Variants in CPD observed in about 807,000 individuals in gnomAD.
CPD encodes the protein metallocarboxypeptidase D.
In CPD, 69 loss-of-function variants were observed where a neutral mutation model predicts 138.3. That is an observed-to-expected ratio of 0.50 (90% CI 0.41 to 0.61). The LOEUF (loss-of-function observed/expected upper bound fraction) is 0.61, where lower values mean the gene tolerates loss of function less well. Among genes scored for constraint, CPD ranks in the 20% least tolerant of loss-of-function variants. The pLI is 0.00. For missense variants in CPD, 1,432 were observed against 1,733.3 expected, an observed-to-expected ratio of 0.83 and a Z score of 3.09; for synonymous variants, 651 against 642.1, an observed-to-expected ratio of 1.01 and a Z score of -0.21.
At chr17:30,430,088 G>C (rs1364817104) in intron 7 of CPD, among the ~76,000 whole-genome samples, 1 of 152,150 alleles carries the variant, frequency 6.6e-6, no homozygotes, top group Non-Finnish European at 1.5e-5. Flanking sequence ...GAAGGATCTT[G>C]AAAGAAGATA....
intron 2 of CPD, among the ~76,000 whole-genome samples, chr17:30,387,557 T>C (rs898267929): frequency 2.0e-5 from 3 of 152,232 alleles, no homozygotes; most frequent in Non-Finnish European, 4.4e-5. Flanking sequence ...TAGAGGGAAC[T>C]TAGAAGGAAT....
chr17:30,455,558 T>C, intron 15 of CPD, 88 bp downstream of exon 15: 3 of 1,451,512 alleles, frequency 2.1e-6, no homozygotes, highest in Non-Finnish European at 2.8e-6. Context: ...TTTTTATAAA[T>C]AGTGAGCATT....
chr17:30,401,330 CTCTTCCTCT>C (rs1282199529), intron 2 of CPD, among the ~76,000 whole-genome samples: 5 of 150,168 alleles, frequency 3.3e-5, no homozygotes, highest in South Asian at 4.2e-4. Flanking sequence ...CCTCTTCTTC[CTCTTCCTCT>C]TCTTCCTCCT....
At position 30,442,412 on chromosome 17, in the gene CPD, G is replaced by A. The variant is rs1912899631; in HGVS notation, c.2335G>A (p.Glu779Lys). The A allele has an allele frequency of 6.2e-7, 1 of 1,613,386 alleles. No homozygotes were observed. The change falls in exon 10 of 21, where the codon GAA becomes AAA. Residue 779 changes from glutamate to lysine, a missense_variant. By Grantham distance (56) the Glu-to-Lys change is moderately conservative. Coordinates refer to ENST00000225719, the MANE Select transcript of CPD (RefSeq NM_001304.5). ...TGAGAAAGAGCTGCCAAACTTTTGG[G>A]AACAGAATCGAAGATCACTAATCCA... ...PLEKELPNFW[E>K]QNRRSLIQFM...
At chr17:30,451,970 G>T in intron 14 of CPD, 124 bp downstream of exon 14, 1 of 865,562 alleles carries the variant, frequency 1.2e-6, no homozygotes, top group Non-Finnish European at 1.7e-6. Context: ...TGAATGTGAG[G>T]TATAAATGAA....
intron 10 of CPD, 91 bp from the exon 11 acceptor site, chr17:30,443,711 G>C: frequency 1.6e-6 from 2 of 1,244,682 alleles, no homozygotes; most frequent in Non-Finnish European, 1.1e-6. Context: ...ATTTATTTGT[G>C]TTGACAATCT....
chr17:30,427,043 A>G (rs1912431645), intron 6 of CPD, among the ~76,000 whole-genome samples: 1 of 152,102 alleles, frequency 6.6e-6, no homozygotes, highest in South Asian at 2.1e-4. Context: ...TTAGCTGGGC[A>G]TGATGGCAGG....
chr17:30,391,135 T>C (rs1163813962), intron 2 of CPD, among the ~76,000 whole-genome samples: 2 of 36,416 alleles, frequency 5.5e-5, no homozygotes, highest in East Asian at 3.8e-3. Flanking sequence ...TGGCCGCCTT[T>C]TTTTTTTTTT....
At chr17:30,463,015 T>C (rs1258160620) in intron 20 of CPD, among the ~76,000 whole-genome samples, 2 of 152,240 alleles carry the variant, frequency 1.3e-5, no homozygotes, top group Non-Finnish European at 2.9e-5. Flanking sequence ...GCGGGCCAGG[T>C]GTTCCTTGCC....
At position 30,379,052 on chromosome 17, in the gene CPD, G is replaced by T. The variant is rs928133993; in HGVS notation, c.72G>T (p.Leu24=). 1.9e-5 allele frequency: 30 copies of T among 1,563,568 alleles called. No individual in the cohort carries two copies. The highest frequency in any genetic ancestry group is 2.2e-5 in the Non-Finnish European group (26 of 1,161,856). The change falls in exon 1 of 21, where the codon CTG becomes CTT. Residue 24 remains leucine (L), a synonymous_variant. Coordinates refer to ENST00000225719, the MANE Select transcript of CPD (RefSeq NM_001304.5). This position sits in a 1 kb window ranked among gnomAD's most constrained non-coding sequence, Gnocchi z 7.0. Reference sequence around the variant, plus strand: ...TCCTGTTGCTCATGTGCCTGCTGCTGCTGGGGAGCTCGGCCCGGGCGGCTC... The same window carrying T: ...TCCTGTTGCTCATGTGCCTGCTGCTTCTGGGGAGCTCGGCCCGGGCGGCTC... The part of the protein sequence containing the change: ...GRLLLLMCLL[L]LGSSARAAHI...
intron 20 of CPD, among the ~76,000 whole-genome samples, chr17:30,463,969 A>G (rs979701704): frequency 6.6e-6 from 1 of 152,198 alleles, no homozygotes; most frequent in Non-Finnish European, 1.5e-5. Context: ...GGAGATTTGG[A>G]TGAAATGAAA....
chr17:30,382,360 T>C (rs2143295513), intron 1 of CPD, among the ~76,000 whole-genome samples: 1 of 152,310 alleles, frequency 6.6e-6, no homozygotes, highest in South Asian at 2.1e-4. Flanking sequence ...CTTTAAATCT[T>C]ATGCAAGGAA....
chr17:30,408,415 G>A (rs557170242), intron 2 of CPD, among the ~76,000 whole-genome samples: 11 of 152,208 alleles, frequency 7.2e-5, no homozygotes, highest in African/African-American at 2.2e-4. Context: ...CCATTTTCAC[G>A]ATATTGATTC....
chr17:30,437,407 C>T (rs549255843), intron 8 of CPD, among the ~76,000 whole-genome samples: 19 of 152,068 alleles, frequency 1.2e-4, no homozygotes, highest in South Asian at 2.1e-4. Context: ...ATACCAAGCC[C>T]GGTGTGATGG....
At chr17:30,456,887 A>G in intron 17 of CPD, 1 of 203,526 alleles carries the variant, frequency 4.9e-6, no homozygotes, top group Non-Finnish European at 1.0e-5. Context: ...GTTTATGAAT[A>G]TCAGCCATTG....
At position 30,466,772 on chromosome 17, in the gene CPD, T is replaced by C. The variant is rs1913651848; in HGVS notation, c.*1958T>C. 1 of 152,574 alleles carries C rather than the reference T, an allele frequency of 6.6e-6. No homozygotes were observed. The highest frequency in any genetic ancestry group is 1.5e-5 in the Non-Finnish European group (1 of 68,010). The allele number at this position is 152,574 out of a possible 1,614,324, so 9.5% of individuals were successfully genotyped here. On this transcript the variant is annotated 3_prime_UTR_variant, in exon 21 of 21. Coordinates refer to ENST00000225719, the MANE Select transcript of CPD (RefSeq NM_001304.5). ...GTTATCATTGGTCTTCACTAGAGGA[T>C]ACCTTTTACATGTACTTCTCTCTTG...
intron 12 of CPD, among the ~76,000 whole-genome samples, chr17:30,447,272 T>A (rs998602420): frequency 6.6e-6 from 1 of 152,194 alleles, no homozygotes; most frequent in Non-Finnish European, 1.5e-5. Context: ...CTGAATGGTA[T>A]TGCCTAGGTT....
intron 2 of CPD, among the ~76,000 whole-genome samples, chr17:30,416,661 C>G (rs1423410712): frequency 6.6e-6 from 1 of 152,200 alleles, no homozygotes; most frequent in Non-Finnish European, 1.5e-5. Flanking sequence ...TTCCCCCTGC[C>G]TTTGAAATGT....
At chr17:30,423,745 G>A (rs778318773) in intron 6 of CPD, 48 bp downstream of exon 6, 1 of 1,294,622 alleles carries the variant, frequency 7.7e-7, no homozygotes, top group South Asian at 1.9e-5. Context: ...CATATAGAAT[G>A]ATTATTTTGA....
Sources: allele counts gnomAD v4.1 joint callset (sites outside exome capture counted in the v4.1 genomes callset), GRCh38; gene constraint gnomAD v4.1.1; non-coding constraint Gnocchi (gnomAD v3.1); transcripts MANE v1.5; gene names NCBI Gene and HGNC (gene_info 2026-07-23, HGNC 2026-07-21).